SMIM21: variants seen among roughly 807,000 people sequenced by gnomAD.
SMIM21 encodes the protein chromosome 18 open reading frame 62.
SMIM21 carries 8 observed loss-of-function variants against 8.6 expected under a neutral mutation model. The ratio of observed to expected loss-of-function variants is 0.93; its 90% confidence interval spans 0.55 to 1.68. SMIM21 has a LOEUF of 1.68. SMIM21 is among the 40% of genes most tolerant of loss of function. The pLI is 0.00. For missense variants in SMIM21, 132 were observed against 123.0 expected, an observed-to-expected ratio of 1.07 and a Z score of -0.35; for synonymous variants, 43 against 41.7, an observed-to-expected ratio of 1.03 and a Z score of -0.12.
At chr18:75,422,577 T>G (rs2144558108) in intron 1 of SMIM21, among the ~76,000 whole-genome samples, 1 of 152,196 alleles carries the variant, frequency 6.6e-6, no homozygotes, top group East Asian at 1.9e-4. Context: ...GTTCATCAAG[T>G]GATGAATGGA....
intron 2 of SMIM21, among the ~76,000 whole-genome samples, chr18:75,415,323 T>C (rs1447416444): frequency 2.0e-5 from 3 of 152,182 alleles, no homozygotes; most frequent in Non-Finnish European, 4.4e-5. Flanking sequence ...CAATTCTCTG[T>C]GTTCTCTGTA....
intron 2 of SMIM21, chr18:75,416,233 A>C (rs559638634): frequency 6.6e-5 from 10 of 152,352 alleles, no homozygotes; most frequent in South Asian, 4.1e-4. Context: ...TGACAATCAG[A>C]TTTGGCAAAA....
rs2024573214 is a variant in SMIM21 at position 75,410,616 on chromosome 18, G to A, written c.*248C>T. The A allele has an allele frequency of 3.0e-6, 3 of 993,618 alleles. No homozygotes were observed. The highest frequency in any genetic ancestry group is 3.3e-5 in the African/African-American group (2 of 60,702). 61.6% of individuals were successfully genotyped at this position (993,618 alleles called of 1,614,324 possible). On this transcript the variant is annotated 3_prime_UTR_variant, in exon 3 of 3. Coordinates refer to ENST00000579022, the MANE Select transcript of SMIM21 (RefSeq NM_001037331.3). ...CGACACGCAGGGCAGATTTCGCAGG[G>A]TTGGGTGGCATCTGCAGCTCTCCTC... is the stretch of plus-strand genomic sequence containing the variant.
chr18:75,415,433 G>A (rs1302338118), intron 2 of SMIM21, among the ~76,000 whole-genome samples: 2 of 152,228 alleles, frequency 1.3e-5, no homozygotes, highest in African/African-American at 4.8e-5. Context: ...GCTGCTGGGA[G>A]TCTCTGCTGA....
At chr18:75,424,077 A>G (rs911166043) in intron 1 of SMIM21, among the ~76,000 whole-genome samples, 2 of 152,190 alleles carry the variant, frequency 1.3e-5, no homozygotes, top group African/African-American at 2.4e-5. Flanking sequence ...CAACAATACA[A>G]AGAAGAAGAC....
chr18:75,421,011 A>G (rs1337604731), intron 1 of SMIM21, among the ~76,000 whole-genome samples: 1 of 152,170 alleles, frequency 6.6e-6, no homozygotes, highest in Non-Finnish European at 1.5e-5. Flanking sequence ...TTCTTCTCCT[A>G]ATTAGGATTT....
chr18:75,422,316 G>A (rs980632970), intron 1 of SMIM21, among the ~76,000 whole-genome samples: 5 of 152,106 alleles, frequency 3.3e-5, no homozygotes, highest in South Asian at 4.2e-4. Context: ...AACGTCTTTC[G>A]CAGGGCTTTG....
chr18:75,420,932 A>T (rs2024701710), intron 1 of SMIM21, among the ~76,000 whole-genome samples: 1 of 152,196 alleles, frequency 6.6e-6, no homozygotes, highest in South Asian at 2.1e-4. Context: ...GTGAGAGAGT[A>T]GTACTTCCAC....
At chr18:75,417,519 A>T (rs1051644365) in intron 2 of SMIM21, 8 of 152,220 alleles carry the variant, frequency 5.3e-5, no homozygotes, top group Admixed American at 5.2e-4. Flanking sequence ...AAGAGAGAAT[A>T]TAGCTGATGT....
intron 1 of SMIM21, among the ~76,000 whole-genome samples, 169 bp downstream of exon 1, chr18:75,427,266 C>A (rs1446286660): frequency 6.6e-6 from 1 of 152,096 alleles, no homozygotes; most frequent in African/African-American, 2.4e-5. Flanking sequence ...TTGGCCAGAA[C>A]TGAGAAAGAA....
At chr18:75,425,023 C>T (rs1197261277) in intron 1 of SMIM21, among the ~76,000 whole-genome samples, 7 of 152,158 alleles carry the variant, frequency 4.6e-5, no homozygotes, top group East Asian at 1.9e-4. Flanking sequence ...TGGCGATGGG[C>T]GAGTGTATCT....
chr18:75,415,785 A>C (rs894097819), intron 2 of SMIM21, among the ~76,000 whole-genome samples: 1 of 152,228 alleles, frequency 6.6e-6, no homozygotes, highest in African/African-American at 2.4e-5. Flanking sequence ...ATCTATGTAC[A>C]GCTCTGTCTC....
intron 2 of SMIM21, chr18:75,416,274 C>T (rs1387617454): frequency 6.6e-6 from 1 of 152,168 alleles, no homozygotes; most frequent in Non-Finnish European, 1.5e-5. Context: ...TTCCTTATTC[C>T]TTTAATCAAT....
At chr18:75,415,548 A>G (rs2024634990) in intron 2 of SMIM21, among the ~76,000 whole-genome samples, 1 of 152,222 alleles carries the variant, frequency 6.6e-6, no homozygotes, top group Admixed American at 6.5e-5. Context: ...CGGAACTAGC[A>G]TGTGAGATGA....
At chr18:75,421,270 G>A (rs943849141) in intron 1 of SMIM21, among the ~76,000 whole-genome samples, 8 of 152,178 alleles carry the variant, frequency 5.3e-5, no homozygotes, top group African/African-American at 1.2e-4. Context: ...CTGTGTAAAC[G>A]TTGAACCCCA....
At chr18:75,418,454 C>T (rs578223250) in intron 2 of SMIM21, among the ~76,000 whole-genome samples, 18 of 152,274 alleles carry the variant, frequency 1.2e-4, no homozygotes, top group South Asian at 2.1e-4. Context: ...CTCTCAGAGG[C>T]GATTAGAGAT....
chr18:75,413,217 C>G (rs1436390256), intron 2 of SMIM21, among the ~76,000 whole-genome samples: 1 of 152,182 alleles, frequency 6.6e-6, no homozygotes, highest in Non-Finnish European at 1.5e-5. Flanking sequence ...TCTTTCTTTA[C>G]TCCCCATTTG....
chr18:75,425,371 T>G (rs1375022553), intron 1 of SMIM21, among the ~76,000 whole-genome samples: 1 of 152,114 alleles, frequency 6.6e-6, no homozygotes, highest in Non-Finnish European at 1.5e-5. Flanking sequence ...CAGTGAACAC[T>G]GGCCAAAAGA....
At chr18:75,423,025 A>G (rs2024725803) in intron 1 of SMIM21, among the ~76,000 whole-genome samples, 1 of 152,248 alleles carries the variant, frequency 6.6e-6, no homozygotes, top group Non-Finnish European at 1.5e-5. Flanking sequence ...AGAATTCAGT[A>G]AAAGACTTGA....
Sources: gnomAD v4.1 joint callset for allele counts (sites outside exome capture counted in the v4.1 genomes callset) on GRCh38, gnomAD v4.1.1 for gene constraint, MANE v1.5 for transcripts, NCBI Gene and HGNC (gene_info 2026-07-23, HGNC 2026-07-21) for gene names.